Variants in UQCRC1 observed in about 807,000 individuals in gnomAD.
The protein encoded by UQCRC1 is ubiquinol-cytochrome c reductase core protein 1.
UQCRC1 carries 34 observed loss-of-function variants against 58.0 expected under a neutral mutation model. That is an observed-to-expected ratio of 0.59 (90% CI 0.45 to 0.78). The LOEUF is 0.78. UQCRC1 is among the 30% of genes least tolerant of loss of function. UQCRC1 has a pLI of 0.00. For synonymous variants in UQCRC1, 276 were observed against 248.8 expected, an observed-to-expected ratio of 1.11 and a Z score of -1.03; for missense variants, 610 against 646.0, an observed-to-expected ratio of 0.94 and a Z score of 0.60.
At chr3:48,603,172 T>A (rs912805402) in intron 6 of UQCRC1, among the ~76,000 whole-genome samples, 4 of 152,178 alleles carry the variant, frequency 2.6e-5, no homozygotes, top group Non-Finnish European at 5.9e-5. Flanking sequence ...CACCCTTCTG[T>A]GCCTTCCTTT....
intron 2 of UQCRC1, 59 bp from the exon 3 acceptor site, chr3:48,605,915 C>T (rs1192467517): frequency 1.3e-6 from 2 of 1,539,074 alleles, no homozygotes; most frequent in Non-Finnish European, 1.8e-6. Flanking sequence ...CCCCTACTCA[C>T]ACCCCACCTG....
chr3:48,607,829 CTT>C (rs111580530), intron 2 of UQCRC1, among the ~76,000 whole-genome samples: 3 of 143,888 alleles, frequency 2.1e-5, no homozygotes, highest in African/African-American at 2.5e-5. Context: ...TAAGTAATTT[CTT>C]TTTTTTTTTT....
intron 6 of UQCRC1, 86 bp downstream of exon 6, chr3:48,603,478 T>C: frequency 7.3e-7 from 1 of 1,371,296 alleles, no homozygotes; most frequent in Non-Finnish European, 1.0e-6. Context: ...GGGTGAAAGG[T>C]CCCCTATGGT....
At chr3:48,603,266 A>G (rs1307918350) in intron 6 of UQCRC1, among the ~76,000 whole-genome samples, 1 of 152,212 alleles carries the variant, frequency 6.6e-6, no homozygotes, top group Non-Finnish European at 1.5e-5. Flanking sequence ...CACAAGGAAC[A>G]AGGCCAGGAG....
intron 5 of UQCRC1, chr3:48,603,890 G>C (rs916226699): frequency 5.1e-6 from 3 of 588,368 alleles, no homozygotes; most frequent in Admixed American, 3.0e-5. Flanking sequence ...CTCTGAGAAG[G>C]CGTGAGCCAA....
chr3:48,599,986 T>C, intron 11 of UQCRC1, 77 bp downstream of exon 11: 2 of 1,568,142 alleles, frequency 1.3e-6, no homozygotes, highest in Non-Finnish European at 1.8e-6. Flanking sequence ...GGCTGCGCTA[T>C]GCCAGGCCCC....
At chr3:48,604,504 C>T (rs756113650) in intron 4 of UQCRC1, 73 bp from the exon 5 acceptor site, 16 of 1,586,182 alleles carry the variant, frequency 1.0e-5, no homozygotes, top group Non-Finnish European at 1.3e-5. Context: ...AATCCCCAGG[C>T]CTGGCATCTC....
At chr3:48,604,539 G>A (rs2046394997) in intron 4 of UQCRC1, 108 bp from the exon 5 acceptor site, 2 of 1,585,488 alleles carry the variant, frequency 1.3e-6, no homozygotes, top group African/African-American at 1.3e-5. Context: ...TAGTTGCCCA[G>A]CTGCAAAGCC....
At chr3:48,599,250 G>A in intron 12 of UQCRC1, 58 bp from the exon 13 acceptor site, 1 of 1,513,156 alleles carries the variant, frequency 6.6e-7, no homozygotes, top group Non-Finnish European at 8.9e-7. Flanking sequence ...GGGACACCTG[G>A]CCCTGTGCCG....
chr3:48,599,557 C>T lies in UQCRC1; in HGVS notation c.1378+78G>A, dbSNP rs144981194. ...CTGCTCTGTAAGCTGAGCAGCAGTG[C>T]GGGAGCAGAGGTGGAAGGGGAGGCC... On this transcript the variant is annotated intron_variant, in intron 12 of 12. Coordinates refer to ENST00000203407, the MANE Select transcript of UQCRC1 (RefSeq NM_003365.3). 5.2e-5 allele frequency: 78 copies of T among 1,502,362 alleles called. No individual in the cohort carries two copies. The East Asian group carries it at 1.4e-3, about 27-fold the overall frequency. 93.1% of individuals were successfully genotyped at this position (1,502,362 alleles called of 1,614,324 possible). A position where few individuals can be genotyped will look rare whatever the true frequency, so the allele number is the denominator to read the frequency against.
chr3:48,600,502 G>A lies in UQCRC1; in HGVS notation c.1193C>T (p.Ala398Val), dbSNP rs1248853772. 2 of 1,614,130 alleles carry A rather than the reference G, an allele frequency of 1.2e-6. No homozygotes were observed. Among genetic ancestry groups the A allele is most frequent in the South Asian group, 1.1e-5 (1 of 91,074 alleles). Residue 398 changes from alanine to valine, a missense_variant, in exon 10 of 13, where the codon GCC becomes GTC. By Grantham distance (64) the Ala-to-Val change is moderately conservative. Transcript: ENST00000203407. ...VARGKNILRNALVSHLDGTTP... is the reference protein window; with the variant it reads ...VARGKNILRNVLVSHLDGTTP... ...CTCACCATCTAGATGAGATACCAGG[G>A]CATTTCTGAGGATGTTTTTGCCCCG...
At chr3:48,601,546 AC>A in intron 6 of UQCRC1, 79 bp from the exon 7 acceptor site, 1 of 1,328,868 alleles carries the variant, frequency 7.5e-7, no homozygotes, top group Non-Finnish European at 1.1e-6. Context: ...CAGGCAGAGG[AC>A]CCCCATGTCC....
chr3:48,608,779 C>T (rs1044051350), intron 2 of UQCRC1, among the ~76,000 whole-genome samples: 12 of 152,154 alleles, frequency 7.9e-5, no homozygotes, highest in Non-Finnish European at 1.5e-4. Flanking sequence ...CTGGTCTAGC[C>T]TGGAGATTAT....
chr3:48,604,891 G>C, intron 3 of UQCRC1, 111 bp from the exon 4 acceptor site: 1 of 1,454,106 alleles, frequency 6.9e-7, no homozygotes, highest in East Asian at 2.4e-5. Context: ...ACCTCCCTCA[G>C]CATAGACTCT....
chr3:48,608,485 T>C (rs2046433662), intron 2 of UQCRC1, among the ~76,000 whole-genome samples: 1 of 152,224 alleles, frequency 6.6e-6, no homozygotes, highest in African/African-American at 2.4e-5. Flanking sequence ...ACAAGTGACA[T>C]ATAACAAGGA....
At position 48,604,697 on chromosome 3, in the gene UQCRC1, C is replaced by T. The variant is rs764611377; in HGVS notation, c.381G>A (p.Glu127=). ...GAHLNAYSTR[E]HTAYYIKALS... ...GCGCCTTGATGTAGTAAGCTGTGTG[C>T]TCCCGGGTGCTGTAGGCATTAAGAT... The change falls in exon 4 of 13, where the codon GAG becomes GAA. Residue 127 remains glutamate, a synonymous_variant. Coordinates refer to ENST00000203407, the MANE Select transcript of UQCRC1 (RefSeq NM_003365.3). The T allele has an allele frequency of 8.7e-6, 14 of 1,614,054 alleles. No homozygotes were observed. The highest frequency in any genetic ancestry group is 3.3e-5 in the Admixed American group (2 of 59,992).
rs2046354702 is a variant in UQCRC1, at chr3:48,600,538, C to A, written c.1157G>T (p.Ser386Ile). 6.2e-7 allele frequency: 1 copy of A among 1,614,044 alleles called. No homozygotes were observed. The highest frequency in any genetic ancestry group is 1.1e-5 in the South Asian group (1 of 91,090). ...GATGTTTTTGCCCCGGGCCACCTCA[C>A]TCTCCGTGGCACTGGTACACAGGCG... The part of the protein sequence containing the change: ...WMRLCTSATE[S>I]EVARGKNILR... Residue 386 changes from serine to isoleucine, a missense_variant, in exon 10 of 13, where the codon AGT becomes ATT. Coordinates refer to ENST00000203407, the MANE Select transcript of UQCRC1 (RefSeq NM_003365.3).
Position 48,609,593 on chromosome 3 carries a change from C to G in UQCRC1, c.28G>C (p.Ala10Pro), listed in dbSNP as rs907162895. 1.3e-6 allele frequency: 2 copies of G among 1,570,954 alleles called. No homozygotes were observed. The highest frequency in any genetic ancestry group is 1.8e-5 in the Admixed American group (1 of 56,232). The change falls in exon 1 of 13, where the codon GCT (alanine) becomes CCT (proline). Residue 10 changes from alanine (A) to proline (P), a missense_variant. Physicochemically the swap from Ala to Pro is conservative, Grantham distance 27. Transcript: ENST00000203407. ...AATAGCACTTGTGCCCCGGCGGTAG[C>G]GGCCCGACAGACCACGGACGCCGCC... MAASVVCRA[A>P]TAGAQVLLRA...
chr3:48,604,043 C>G (rs556293172), intron 5 of UQCRC1, 190 bp downstream of exon 5: 3 of 665,062 alleles, frequency 4.5e-6, no homozygotes, highest in Non-Finnish European at 2.5e-6. Context: ...AAACAAAGCC[C>G]AAAATTCAAG....
Sources: allele counts gnomAD v4.1 joint callset (sites outside exome capture counted in the v4.1 genomes callset), GRCh38; gene constraint gnomAD v4.1.1; transcripts MANE v1.5; gene names NCBI Gene and HGNC (gene_info 2026-07-23, HGNC 2026-07-21).